The following KCNB2 variants were observed in gnomAD, a reference collection of about 807,000 sequenced individuals.
KCNB2 encodes potassium voltage-gated channel subfamily B member 2.
KCNB2 carries 15 observed loss-of-function variants against 61.5 expected under a neutral mutation model. That is an observed-to-expected ratio of 0.24 (90% CI 0.16 to 0.38). The LOEUF (loss-of-function observed/expected upper bound fraction) is 0.38, where lower values mean the gene tolerates loss of function less well. Among genes scored for constraint, KCNB2 ranks in the 10% least tolerant of loss-of-function variants. The pLI is 1.00. For synonymous variants in KCNB2, 457 were observed against 446.0 expected (o/e 1.02, Z -0.31); for missense variants, 828 against 1,125.2 (o/e 0.74, Z 3.78).
chr8:72,937,655 C>A lies in KCNB2; in HGVS notation c.2300C>A (p.Pro767His), dbSNP rs774181145. 9 of 1,614,038 alleles carry A rather than the reference C, an allele frequency of 5.6e-6. No individual in the cohort carries two copies. Among genetic ancestry groups the A allele is most frequent in the African/African-American group, 2.7e-5 (2 of 75,020 alleles). The part of the protein sequence containing the change: ...LEETPSQGDR[P>H]LLGTEVSAPC... ...GAAACCCCCTCCCAGGGAGACAGAC[C>A]CTTGCTGGGCACTGAGGTTTCAGCG... Residue 767 changes from proline (P) to histidine (H), a missense_variant, in exon 3 of 3, where the codon CCC becomes CAC. Pro to His is a moderately conservative substitution (Grantham distance 77, BLOSUM62 -2). Coordinates refer to ENST00000523207, the MANE Select transcript of KCNB2 (RefSeq NM_004770.3).
At chr8:72,577,997 G>A (rs1806825186) in intron 2 of KCNB2, among the ~76,000 whole-genome samples, 2 of 152,116 alleles carry the variant, frequency 1.3e-5, no homozygotes, top group South Asian at 2.1e-4. Context: ...TCACATTTTA[G>A]TTTGTATCTT....
intron 2 of KCNB2, among the ~76,000 whole-genome samples, chr8:72,666,816 A>AT (rs1021114511): frequency 8.6e-5 from 13 of 151,290 alleles, no homozygotes; most frequent in Non-Finnish European, 1.6e-4. Flanking sequence ...TTAATAATTA[A>AT]TTTTTTTTTC....
chr8:72,886,645 A>G (rs964623981), intron 2 of KCNB2, among the ~76,000 whole-genome samples: 1 of 152,208 alleles, frequency 6.6e-6, no homozygotes. Context: ...GAGCTCATTC[A>G]GCTTATCCCC....
At chr8:72,886,533 A>G (rs1361937122) in intron 2 of KCNB2, among the ~76,000 whole-genome samples, 1 of 151,886 alleles carries the variant, frequency 6.6e-6, no homozygotes, top group Non-Finnish European at 1.5e-5. Flanking sequence ...GCATCTTTCT[A>G]TCTGGGAAAC....
chr8:72,650,655 C>A lies in KCNB2; in HGVS notation c.579+82342C>A, dbSNP rs1806198092. On this transcript the variant is annotated intron_variant, in intron 2 of 2. Coordinates refer to ENST00000523207, the MANE Select transcript of KCNB2 (RefSeq NM_004770.3). ...CAAGCTCTTGTCACTGACTTAGTCA[C>A]CCACTGATGAGAGAGTGTGTCTAGT... Among the ~76,000 whole-genome samples, 4 of 152,218 alleles carry A rather than the reference C, an allele frequency of 2.6e-5. No homozygotes were observed. In the South Asian group the frequency reaches 8.3e-4, roughly 32 times the overall value.
intron 2 of KCNB2, among the ~76,000 whole-genome samples, chr8:72,907,140 C>G (rs770867104): frequency 1.3e-4 from 20 of 152,176 alleles, no homozygotes; most frequent in African/African-American, 3.9e-4. Context: ...AGGTGGATCA[C>G]GAGGTCAAGA....
At chr8:72,696,569 A>G (rs760979069) in intron 2 of KCNB2, among the ~76,000 whole-genome samples, 3 of 152,134 alleles carry the variant, frequency 2.0e-5, no homozygotes, top group Admixed American at 6.6e-5. Context: ...AGAGCCTTCA[A>G]ATCAGGTAGG....
chr8:72,849,778 A>G (rs944998152), intron 2 of KCNB2, among the ~76,000 whole-genome samples: 3 of 152,230 alleles, frequency 2.0e-5, no homozygotes, highest in African/African-American at 7.2e-5. Context: ...AGTGCAAGGT[A>G]TCTGTGTCAT....
chr8:72,742,169 T>C (rs1234268455), intron 2 of KCNB2, among the ~76,000 whole-genome samples: 1 of 152,246 alleles, frequency 6.6e-6, no homozygotes, highest in Non-Finnish European at 1.5e-5. Flanking sequence ...TATATTGTTA[T>C]GGTTTCAATT....
At chr8:72,817,255 T>C (rs1204497952) in intron 2 of KCNB2, among the ~76,000 whole-genome samples, 1 of 152,036 alleles carries the variant, frequency 6.6e-6, no homozygotes, top group African/African-American at 2.4e-5. Flanking sequence ...TTAATTAGGG[T>C]TGTGGCAAGT....
In KCNB2 at chr8:72,567,659, C is replaced by T. The variant is rs543512397; in HGVS notation, c.-76C>T. 331 of 954,666 alleles carry T rather than the reference C, an allele frequency of 3.5e-4. 1 individual carries two copies. Among genetic ancestry groups the T allele is most frequent in the Non-Finnish European group, 4.9e-4 (313 of 645,190 alleles). 59.1% of individuals were successfully genotyped at this position (954,666 alleles called of 1,614,324 possible). ...TCTTCCAGCTTTGTCAGTGGAAATG[C>T]CTGCCCCAGAGGGATATTGCTTCAG... On this transcript the variant is annotated 5_prime_UTR_variant, in exon 2 of 3. Transcript: ENST00000523207.
intron 2 of KCNB2, among the ~76,000 whole-genome samples, chr8:72,729,954 G>A (rs1807713399): frequency 6.6e-6 from 1 of 151,960 alleles, no homozygotes; most frequent in African/African-American, 2.4e-5. Context: ...GGTCTTAATG[G>A]GGGGCAGAGA....
chr8:72,708,845 A>T (rs867083602), intron 2 of KCNB2, among the ~76,000 whole-genome samples: 15 of 152,230 alleles, frequency 9.9e-5, no homozygotes, highest in Admixed American at 5.2e-4. Flanking sequence ...CAGTTTAAAG[A>T]ATGAGAATCT....
At position 72,814,237 on chromosome 8, in the gene KCNB2, T is replaced by C. The variant is rs553940887; in HGVS notation, c.580-121698T>C. On this transcript the variant is annotated intron_variant, in intron 2 of 2. Transcript: ENST00000523207. The stretch of plus-strand genomic sequence containing the variant: ...GTATGAATATATCACAATTTATCCA[T>C]TCCAATACTGATGAGCATTTAAACA... Among the ~76,000 whole-genome samples the C allele has an allele frequency of 7.9e-5, 12 of 152,342 alleles. No individual in the cohort carries two copies. In the East Asian group the frequency reaches 2.3e-3, roughly 29 times the overall value.
chr8:72,909,807 G>C (rs1806253591), intron 2 of KCNB2, among the ~76,000 whole-genome samples: 2 of 152,168 alleles, frequency 1.3e-5, no homozygotes, highest in Admixed American at 6.5e-5. Flanking sequence ...AAGGATGCTT[G>C]CATCACTACG....
intron 2 of KCNB2, among the ~76,000 whole-genome samples, chr8:72,788,463 T>G (rs1042491352): frequency 3.3e-5 from 5 of 152,122 alleles, no homozygotes; most frequent in Non-Finnish European, 7.4e-5. Flanking sequence ...GCTTCATGAC[T>G]CCATTTCACC....
intron 2 of KCNB2, among the ~76,000 whole-genome samples, chr8:72,637,518 C>T (rs575766232): frequency 8.5e-5 from 13 of 152,066 alleles, no homozygotes; most frequent in South Asian, 4.2e-4. Flanking sequence ...GGCTGGGAGA[C>T]GGGAGGGAGC....
intron 2 of KCNB2, among the ~76,000 whole-genome samples, chr8:72,775,704 G>C (rs1031742046): frequency 7.1e-6 from 1 of 141,634 alleles, no homozygotes; most frequent in Non-Finnish European, 1.5e-5. Context: ...GGGAGATTAA[G>C]TGGCTATATG....
chr8:72,840,689 G>T (rs1332113590), intron 2 of KCNB2, among the ~76,000 whole-genome samples: 1 of 152,064 alleles, frequency 6.6e-6, no homozygotes, highest in Non-Finnish European at 1.5e-5. Flanking sequence ...TATGTTTATT[G>T]GCCACATAAA....
Sources: allele counts gnomAD v4.1 joint callset (sites outside exome capture counted in the v4.1 genomes callset), GRCh38; gene constraint gnomAD v4.1.1; transcripts MANE v1.5; gene names NCBI Gene and HGNC (gene_info 2026-07-23, HGNC 2026-07-21).